The following MYH3 variants were observed in gnomAD, a reference collection of about 807,000 sequenced individuals.
MYH3 encodes myosin-3.
Under a neutral mutation model 238.0 loss-of-function variants are expected in MYH3, and 130 were observed. That is an observed-to-expected ratio of 0.55 (90% CI 0.47 to 0.63). The LOEUF (loss-of-function observed/expected upper bound fraction) is 0.63, where lower values mean the gene tolerates loss of function less well. MYH3 is among the 30% of genes least tolerant of loss of function. The probability of loss-of-function intolerance (pLI) is 0.00; values close to 1 mark genes in which losing one functional copy is unlikely to be tolerated. For missense variants in MYH3, 1,853 were observed against 2,374.9 expected, an observed-to-expected ratio of 0.78 and a Z score of 4.57; for synonymous variants, 880 against 924.1, an observed-to-expected ratio of 0.95 and a Z score of 0.86.
chr17:10,638,928 A>G lies in MYH3; in HGVS notation c.3284T>C (p.Val1095Ala). 1 of 1,614,196 alleles carries G rather than the reference A, an allele frequency of 6.2e-7. No homozygotes were observed. Among genetic ancestry groups the G allele is most frequent in the Non-Finnish European group, 8.5e-7 (1 of 1,180,034 alleles). The change falls in exon 26 of 41, where the codon GTG (valine) becomes GCG (alanine). Residue 1095 changes from valine (V) to alanine (A), a missense_variant. By Grantham distance (64) the Val-to-Ala change is moderately conservative (BLOSUM62 0). Coordinates refer to ENST00000583535, the MANE Select transcript of MYH3 (RefSeq NM_002470.4). Reference sequence around the variant, plus strand: ...GAGGCCCAGTGTCTGCTCATCTTCCACTTTGCTTTGAAGTTGACAATATTC... The same window carrying G: ...GAGGCCCAGTGTCTGCTCATCTTCCGCTTTGCTTTGAAGTTGACAATATTC... ...DFEYCQLQSK[V>A]EDEQTLGLQF...
intron 28 of MYH3, among the ~76,000 whole-genome samples, chr17:10,637,307 G>A (rs1202295617): frequency 2.0e-5 from 3 of 152,164 alleles, no homozygotes; most frequent in East Asian, 2.0e-4. Context: ...TGATCCGCCC[G>A]CCTCGGCCTC....
chr17:10,661,594 G>A (rs978291136), upstream of MYH3, among the ~76,000 whole-genome samples: 5 of 152,134 alleles, frequency 3.3e-5, no homozygotes, highest in African/African-American at 4.8e-5. Flanking sequence ...AATGCAGGCC[G>A]GCTCAGCAGG....
chr17:10,661,289 TAAAAA>T (rs34393718), upstream of MYH3, among the ~76,000 whole-genome samples: 13 of 49,688 alleles, frequency 2.6e-4, no homozygotes, highest in East Asian at 8.9e-3. Context: ...AGACTCCATC[TAAAAA>T]AAAAAAAAAA....
chr17:10,673,488 A>G, the MYH3 span: 1 of 152,232 alleles, frequency 6.6e-6, no homozygotes, highest in Non-Finnish European at 1.5e-5. Flanking sequence ...TCGGGCACTG[A>G]ACGCTTGCCT....
At chr17:10,665,543 T>C in the MYH3 span, among the ~76,000 whole-genome samples, 1 of 152,180 alleles carries the variant, frequency 6.6e-6, no homozygotes, top group Non-Finnish European at 1.5e-5. Context: ...AATCAATTGG[T>C]TCTGGAAGAA....
the MYH3 span, chr17:10,674,032 C>T: frequency 1.2e-4 from 18 of 152,282 alleles, no homozygotes; most frequent in African/African-American, 4.3e-4. Flanking sequence ...TTTTCCCCTT[C>T]CCTATTGGGT....
At position 10,632,642 on chromosome 17, in the gene MYH3, G is replaced by T. The variant is rs750678201; in HGVS notation, c.4790C>A (p.Thr1597Asn). The part of the protein sequence containing the change: ...LKRNYQRTVE[T>N]MQSALDAEVR... ...CTCGGCGTCCAGGGCGCTCTGCATG[G>T]TTTCCACTGTTCTCTGGTAGTTCCT... The change falls in exon 34 of 41, where the codon ACC becomes AAC. Residue 1597 changes from threonine to asparagine, a missense_variant. Around this residue, in one of 3 missense-constraint regions of MYH3, gnomAD observed 1,044 missense variants for 1,192.6 expected, o/e 0.88. Transcript: ENST00000583535. 9.3e-6 allele frequency: 15 copies of T among 1,614,126 alleles called. No individual in the cohort carries two copies. The South Asian group carries it at 1.4e-4, about 15-fold the overall frequency.
chr17:10,639,516 T>C (rs757961294), intron 23 of MYH3, 42 bp from the exon 24 acceptor site: 8 of 1,613,986 alleles, frequency 5.0e-6, no homozygotes, highest in Non-Finnish European at 6.8e-6. Flanking sequence ...AAAGTTTAGT[T>C]TGCAATGACT....
In MYH3 at chr17:10,638,973, G is replaced by GA; in HGVS notation, c.3249-11dup. ...ATATTCAAAATCTTTCCTGTGAAGAGAAATGTAGAATGCATGAAGACAAAA... is the reference window on the plus strand; with the variant it reads ...ATATTCAAAATCTTTCCTGTGAAGAGAAAATGTAGAATGCATGAAGACAAAA... On this transcript the variant is annotated splice_polypyrimidine_tract_variant and intron_variant, in intron 25 of 40. Coordinates refer to ENST00000583535, the MANE Select transcript of MYH3 (RefSeq NM_002470.4). 1 of 1,614,148 alleles carries GA rather than the reference G, an allele frequency of 6.2e-7. No homozygotes were observed.
the MYH3 span, chr17:10,676,646 T>C: frequency 2.0e-5 from 3 of 152,208 alleles, no homozygotes; most frequent in Non-Finnish European, 4.4e-5. Context: ...CATGAAATAG[T>C]GCACAGAGTC....
At chr17:10,631,489 C>G in intron 36 of MYH3, 122 bp downstream of exon 36, 1 of 1,442,646 alleles carries the variant, frequency 6.9e-7, no homozygotes. Flanking sequence ...GAGATGGGAG[C>G]CCTCGGGGAG....
intron 19 of MYH3, 103 bp from the exon 20 acceptor site, chr17:10,640,789 C>A (rs981951546): frequency 9.6e-5 from 136 of 1,418,900 alleles, no homozygotes; most frequent in Non-Finnish European, 1.3e-4. Context: ...AGGCCAAGGT[C>A]CCAGGAGATG....
upstream of MYH3, among the ~76,000 whole-genome samples, chr17:10,661,425 G>A (rs1363388819): frequency 6.6e-6 from 1 of 152,016 alleles, no homozygotes; most frequent in East Asian, 1.9e-4. Context: ...CTGATGAACA[G>A]GGGACAGATG....
At chr17:10,635,892 C>A (rs767805260) in intron 28 of MYH3, 39 bp from the exon 29 acceptor site, 2 of 1,530,050 alleles carry the variant, frequency 1.3e-6, no homozygotes, top group East Asian at 2.3e-5. Flanking sequence ...CATTTATTCA[C>A]TCATTCACTC....
At chr17:10,649,439 T>G (rs1597491531) in intron 7 of MYH3, 138 bp downstream of exon 7, 1 of 756,130 alleles carries the variant, frequency 1.3e-6, no homozygotes, top group South Asian at 1.5e-5. Flanking sequence ...TGACTGGCTG[T>G]CCTTCAAGAT....
In MYH3 at chr17:10,647,377, G is replaced by A; in HGVS notation, c.785C>T (p.Ala262Val). 1 of 1,614,234 alleles carries A rather than the reference G, an allele frequency of 6.2e-7. No homozygotes were observed. Among genetic ancestry groups the A allele is most frequent in the Non-Finnish European group, 8.5e-7 (1 of 1,180,030 alleles). ...GATCTACTTACAAGTTTCAATATCT[G>A]CAGAGGCCAGCTTCCCAGTGGTTCC... Reference protein sequence around the residue: ...HFGTTGKLASADIETYLLEKS... With the variant: ...HFGTTGKLASVDIETYLLEKS... Residue 262 changes from alanine to valine, a missense_variant, in exon 9 of 41, where the codon GCA (alanine) becomes GTA (valine). Coordinates refer to ENST00000583535, the MANE Select transcript of MYH3 (RefSeq NM_002470.4).
rs766175624 is a variant in MYH3, at chr17:10,644,300, A to C, written c.1410+51T>G. On this transcript the variant is annotated intron_variant, in intron 14 of 40. Transcript: ENST00000583535. Reference sequence around the variant, plus strand: ...ATCTTCCCTTTAGGATCATGAAACCAATTTCCCTCATATGAAGCCATATGA... The same window carrying C: ...ATCTTCCCTTTAGGATCATGAAACCCATTTCCCTCATATGAAGCCATATGA... The C allele has an allele frequency of 8.8e-6, 14 of 1,586,742 alleles. No individual in the cohort carries two copies. The Admixed American group carries it at 2.3e-4, about 26-fold the overall frequency.
intron 2 of MYH3, 107 bp from the exon 3 acceptor site, chr17:10,655,179 C>T (rs1481340896): frequency 1.1e-6 from 1 of 909,496 alleles, no homozygotes. Context: ...CGCAGGAGCC[C>T]TCAGAGTCAG....
chr17:10,651,857 C>T (rs1411411660), intron 4 of MYH3, 189 bp from the exon 5 acceptor site: 2 of 748,486 alleles, frequency 2.7e-6, no homozygotes, highest in East Asian at 3.3e-5. Context: ...AATTCTCCTG[C>T]CTCAGCCTCC....
Sources: allele counts gnomAD v4.1 joint callset (sites outside exome capture counted in the v4.1 genomes callset), GRCh38; gene constraint gnomAD v4.1.1; regional missense constraint gnomAD v4.1.1; transcripts MANE v1.5; gene names NCBI Gene and HGNC (gene_info 2026-07-23, HGNC 2026-07-21).